Variants in TCF7L2 observed in about 807,000 individuals in gnomAD.
The protein encoded by TCF7L2 is transcription factor 7 like 2.
A neutral mutation model predicts 77.9 loss-of-function variants in TCF7L2; 23 were observed. The ratio of observed to expected loss-of-function variants is 0.30; its 90% CI spans 0.21 to 0.42. The LOEUF (loss-of-function observed/expected upper bound fraction) is 0.42. TCF7L2 is among the 10% of genes least tolerant of loss of function. TCF7L2 has a pLI of 1.00. For missense variants in TCF7L2, 654 were observed against 793.1 expected, an observed-to-expected ratio of 0.82 and a Z score of 2.11; for synonymous variants, 413 against 340.2, an observed-to-expected ratio of 1.21 and a Z score of -2.36.
intron 5 of TCF7L2, among the ~76,000 whole-genome samples, chr10:113,117,083 A>C (rs868680131): frequency 2.6e-5 from 4 of 152,170 alleles, no homozygotes; most frequent in Admixed American, 6.5e-5. Context: ...TAAGTTTCAG[A>C]TTTTAGGTTT....
At chr10:113,084,162 A>T (rs2059591808) in intron 5 of TCF7L2, among the ~76,000 whole-genome samples, 2 of 152,200 alleles carry the variant, frequency 1.3e-5, no homozygotes. Flanking sequence ...GTATGTGTTT[A>T]TATAGAGAGA....
intron 4 of TCF7L2, among the ~76,000 whole-genome samples, chr10:112,970,692 C>T (rs906460474): frequency 1.3e-5 from 2 of 152,070 alleles, no homozygotes; most frequent in Non-Finnish European, 2.9e-5. Flanking sequence ...TTGACTTTCT[C>T]CCACTTCAGG....
chr10:113,146,787 T>C (rs939643337), intron 8 of TCF7L2, among the ~76,000 whole-genome samples: 2 of 152,218 alleles, frequency 1.3e-5, no homozygotes, highest in Admixed American at 6.5e-5. Context: ...ATCTGATGTG[T>C]ATCTTATACG....
intron 5 of TCF7L2, among the ~76,000 whole-genome samples, chr10:113,122,855 G>A (rs188698412): frequency 3.3e-5 from 5 of 152,282 alleles, no homozygotes; most frequent in East Asian, 1.9e-4. Context: ...TGCTGCAACC[G>A]TTATAGGGAA....
At chr10:113,148,142 T>A (rs1400305144) in intron 8 of TCF7L2, among the ~76,000 whole-genome samples, 1 of 152,098 alleles carries the variant, frequency 6.6e-6, no homozygotes, top group Admixed American at 6.5e-5. Context: ...AAGTGATGGG[T>A]CATTATACTT....
intron 5 of TCF7L2, among the ~76,000 whole-genome samples, chr10:113,107,752 T>TAAAAAAAAAAAAAAAAAAAAAAAAAA (rs398014821): frequency 1.8e-5 from 1 of 55,250 alleles, no homozygotes; most frequent in Non-Finnish European, 3.4e-5. Context: ...AGACTCCGTC[T>TAAAAAAAAAAAAAAAAAAAAAAAAAA]AAAAAAAAAA....
intron 3 of TCF7L2, among the ~76,000 whole-genome samples, chr10:112,956,367 T>TTTA (rs753759334): frequency 0.012 from 1,297 of 111,878 alleles, 15 homozygotes; most frequent in African/African-American, 0.037. Flanking sequence ...TTTTTTTTTT[T>TTTA]AAATGCTGGA....
At chr10:113,121,718 A>G (rs2064807197) in intron 5 of TCF7L2, among the ~76,000 whole-genome samples, 1 of 151,980 alleles carries the variant, frequency 6.6e-6, no homozygotes, top group Admixed American at 6.6e-5. Flanking sequence ...ACACGTACGC[A>G]CTTGCACACG....
chr10:112,962,690 C>T (rs978655735), intron 3 of TCF7L2, among the ~76,000 whole-genome samples: 1 of 152,156 alleles, frequency 6.6e-6, no homozygotes, highest in East Asian at 1.9e-4. Flanking sequence ...CTTCTGCCTC[C>T]TGGGTCCAAG....
At chr10:112,989,477 G>GA (rs11370614) in intron 4 of TCF7L2, among the ~76,000 whole-genome samples, 11,107 of 151,496 alleles carry the variant, frequency 0.073, 1,305 homozygotes, top group African/African-American at 0.25. Context: ...TGAGCAGGAA[G>GA]AAAAAAAAAT....
chr10:113,160,910 C>G (rs1006389542), intron 13 of TCF7L2, among the ~76,000 whole-genome samples: 2 of 152,152 alleles, frequency 1.3e-5, no homozygotes, highest in African/African-American at 4.8e-5. Flanking sequence ...AACAATATCC[C>G]TGGTGGCAGG....
At chr10:112,996,215 T>C (rs2043440915) in intron 4 of TCF7L2, among the ~76,000 whole-genome samples, 1 of 151,994 alleles carries the variant, frequency 6.6e-6, no homozygotes, top group African/African-American at 2.4e-5. Context: ...AAGAAGTGAA[T>C]GTTGTGCATT....
At chr10:113,119,389 G>T (rs1482751564) in intron 5 of TCF7L2, among the ~76,000 whole-genome samples, 1 of 152,168 alleles carries the variant, frequency 6.6e-6, no homozygotes, top group Non-Finnish European at 1.5e-5. Flanking sequence ...TATTTTTTAT[G>T]CTGTTTTGAG....
chr10:113,153,076 G>A (rs1027909896), intron 11 of TCF7L2, among the ~76,000 whole-genome samples: 7 of 152,166 alleles, frequency 4.6e-5, no homozygotes, highest in Non-Finnish European at 7.3e-5. Flanking sequence ...TGTGCTATGC[G>A]GTGTGTGTGT....
Position 113,034,114 on chromosome 10 carries a change from A to C in TCF7L2, c.451-5911A>C, listed in dbSNP as rs537704400. Among the ~76,000 whole-genome samples the C allele has an allele frequency of 2.0e-5, 3 of 152,360 alleles. No individual in the cohort carries two copies. In the South Asian group the frequency reaches 6.2e-4, roughly 32 times the overall value. On this transcript the variant is annotated intron_variant, in intron 4 of 13. Transcript: ENST00000627217. ...TCTGAGAAATGAGGTAGGTTTAGAA[A>C]GAGACAATCAGGCCTCTTCTTTAAC...
At chr10:113,066,985 T>G (rs2057343260) in intron 5 of TCF7L2, among the ~76,000 whole-genome samples, 1 of 152,214 alleles carries the variant, frequency 6.6e-6, no homozygotes, top group Non-Finnish European at 1.5e-5. Context: ...GAAGGCGATA[T>G]TAGAGCATTT....
At chr10:113,078,363 T>G (rs2058952897) in intron 5 of TCF7L2, among the ~76,000 whole-genome samples, 1 of 152,162 alleles carries the variant, frequency 6.6e-6, no homozygotes, top group African/African-American at 2.4e-5. Context: ...TAAAGACTTT[T>G]TAATGAATGC....
intron 3 of TCF7L2, among the ~76,000 whole-genome samples, chr10:112,956,353 T>TC (rs1439585603): frequency 7.5e-6 from 1 of 132,578 alleles, no homozygotes; most frequent in African/African-American, 3.4e-5. Context: ...CCTTTTTTTT[T>TC]TTTTTTTTTT....
At chr10:113,043,717 A>G (rs1030051036) in intron 5 of TCF7L2, among the ~76,000 whole-genome samples, 3 of 152,056 alleles carry the variant, frequency 2.0e-5, no homozygotes, top group African/African-American at 7.2e-5. Context: ...GCATTCATAT[A>G]ACTAAACTCT....
Sources: gnomAD v4.1 joint callset for allele counts (sites outside exome capture counted in the v4.1 genomes callset) on GRCh38, gnomAD v4.1.1 for gene constraint, MANE v1.5 for transcripts, NCBI Gene and HGNC (gene_info 2026-07-23, HGNC 2026-07-21) for gene names.